The following TAOK3 variants were observed in gnomAD, a reference collection of about 807,000 sequenced individuals.
TAOK3 encodes the protein TAO kinase 3, also known as serine/threonine-protein kinase TAO3.
In TAOK3, 40 loss-of-function variants were observed where a neutral mutation model predicts 120.4. The observed-to-expected ratio is 0.33, with a 90% CI of 0.26 to 0.43. TAOK3 has a LOEUF of 0.43. Among genes scored for constraint, TAOK3 ranks in the 20% least tolerant of loss-of-function variants. The pLI is 1.00. For missense variants in TAOK3, 821 were observed against 1,112.1 expected, an observed-to-expected ratio of 0.74 and a Z score of 3.72; for synonymous variants, 355 against 387.5, an observed-to-expected ratio of 0.92 and a Z score of 0.99.
chr12:118,173,398 G>T (rs2036127062), intron 16 of TAOK3, among the ~76,000 whole-genome samples: 1 of 152,174 alleles, frequency 6.6e-6, no homozygotes. Context: ...GTGTCATAAT[G>T]AGATGCATTT....
intron 3 of TAOK3, among the ~76,000 whole-genome samples, chr12:118,250,391 C>G (rs1331468157): frequency 6.6e-6 from 1 of 152,182 alleles, no homozygotes; most frequent in Non-Finnish European, 1.5e-5. Context: ...GCTGTTCCAG[C>G]TTACAATTCA....
At chr12:118,152,538 G>A in intron 19 of TAOK3, 129 bp from the exon 20 acceptor site, 1 of 822,576 alleles carries the variant, frequency 1.2e-6, no homozygotes, top group Non-Finnish European at 1.9e-6. Flanking sequence ...CAAAAACACA[G>A]ATGCTCTGGG....
rs535559383 is a variant in TAOK3, at chr12:118,188,623, A to G, written c.1329+1184T>C. 3.5e-4 allele frequency among the ~76,000 whole-genome samples: 54 copies of G among 152,342 alleles called. No homozygotes were observed. In the South Asian group the frequency reaches 0.011, roughly 30 times the overall value. On this transcript the variant is annotated intron_variant, in intron 14 of 20. Transcript: ENST00000392533. ...CCTTGCATTTGGGTTTTTAAAGGTT[A>G]TAATCCATTATAATTTTCAAAGATA...
At chr12:118,269,321 T>C (rs2041599705) in intron 1 of TAOK3, among the ~76,000 whole-genome samples, 1 of 151,320 alleles carries the variant, frequency 6.6e-6, no homozygotes, top group South Asian at 2.1e-4. Context: ...GCCACCATGC[T>C]GGGCTAATTA....
At chr12:118,362,220 G>A (rs1423291772) in intron 1 of TAOK3, among the ~76,000 whole-genome samples, 2 of 150,966 alleles carry the variant, frequency 1.3e-5, no homozygotes, top group Admixed American at 6.6e-5. Context: ...AAATTTAGGG[G>A]TGTCCAATCT....
intron 1 of TAOK3, among the ~76,000 whole-genome samples, chr12:118,289,296 CAA>C (rs59297201): frequency 2.5e-5 from 2 of 78,678 alleles, no homozygotes; most frequent in African/African-American, 4.9e-5. Context: ...AAGACTGTCT[CAA>C]AAAAAAAAAA....
At chr12:118,210,971 T>C (rs1231930418) in intron 11 of TAOK3, among the ~76,000 whole-genome samples, 1 of 152,126 alleles carries the variant, frequency 6.6e-6, no homozygotes, top group Non-Finnish European at 1.5e-5. Context: ...ACTGGTGACC[T>C]CCTGATCCTC....
intron 10 of TAOK3, among the ~76,000 whole-genome samples, chr12:118,213,310 GACA>G: frequency 6.6e-6 from 1 of 152,012 alleles, no homozygotes; most frequent in Non-Finnish European, 1.5e-5. Context: ...TCTCTCCAAA[GACA>G]ACAATTCTCA....
chr12:118,194,467 C>T (rs2037601278), intron 13 of TAOK3, among the ~76,000 whole-genome samples: 1 of 152,004 alleles, frequency 6.6e-6, no homozygotes, highest in Non-Finnish European at 1.5e-5. Flanking sequence ...AGAAACATTA[C>T]CTTCATATGT....
intron 1 of TAOK3, among the ~76,000 whole-genome samples, chr12:118,356,721 T>C (rs990511379): frequency 2.6e-5 from 4 of 151,818 alleles, no homozygotes; most frequent in Non-Finnish European, 5.9e-5. Flanking sequence ...GAGACCAACC[T>C]AGGCAACACA....
At chr12:118,361,061 C>T (rs913047162) in intron 1 of TAOK3, among the ~76,000 whole-genome samples, 1 of 152,166 alleles carries the variant, frequency 6.6e-6, no homozygotes, top group Non-Finnish European at 1.5e-5. Context: ...AAACTGATAA[C>T]AACCCTAAAT....
chr12:118,245,227 G>T (rs1302663892), intron 3 of TAOK3, among the ~76,000 whole-genome samples: 2 of 151,926 alleles, frequency 1.3e-5, no homozygotes, highest in Non-Finnish European at 2.9e-5. Context: ...GTAGAAATGG[G>T]GTTCCACCAT....
chr12:118,151,289 G>GCGCGCACA (rs1214641528), intron 20 of TAOK3, 131 bp from the exon 21 acceptor site: 22 of 253,068 alleles, frequency 8.7e-5, no homozygotes, highest in African/African-American at 6.4e-4. Flanking sequence ...GCGCGCGCGC[G>GCGCGCACA]CACACACACA....
Position 118,282,482 on chromosome 12 carries a change from T to C in TAOK3, c.-193-15723A>G, listed in dbSNP as rs536748412. Among the ~76,000 whole-genome samples the C allele has an allele frequency of 2.0e-5, 3 of 152,346 alleles. No homozygotes were observed. The South Asian group carries it at 6.2e-4, about 32-fold the overall frequency. On this transcript the variant is annotated intron_variant, in intron 1 of 20. Coordinates refer to ENST00000392533, the MANE Select transcript of TAOK3 (RefSeq NM_016281.4). Reference sequence around the variant, plus strand: ...GTTGTGGGAGTTCATTGAAATGTATTGATGAGGCTGTTCCACTGTAAGTAC... The same window carrying C: ...GTTGTGGGAGTTCATTGAAATGTATCGATGAGGCTGTTCCACTGTAAGTAC...
intron 17 of TAOK3, among the ~76,000 whole-genome samples, chr12:118,170,332 A>G (rs1024142041): frequency 3.9e-5 from 6 of 152,112 alleles, no homozygotes; most frequent in Non-Finnish European, 8.8e-5. Context: ...CCGCACCCCA[A>G]CAGGAACCCA....
chr12:118,346,774 T>C (rs1021419816), intron 1 of TAOK3, among the ~76,000 whole-genome samples: 2 of 152,222 alleles, frequency 1.3e-5, no homozygotes, highest in Non-Finnish European at 2.9e-5. Context: ...ATGGAAAGTT[T>C]AATCTTTCTA....
chr12:118,278,892 C>T (rs1253761678), intron 1 of TAOK3, among the ~76,000 whole-genome samples: 8 of 152,040 alleles, frequency 5.3e-5, no homozygotes, highest in African/African-American at 1.7e-4. Flanking sequence ...CCACAACCTC[C>T]GCCTCCCGGG....
intron 17 of TAOK3, among the ~76,000 whole-genome samples, chr12:118,169,898 T>A (rs2035890759): frequency 1.3e-5 from 2 of 151,954 alleles, no homozygotes; most frequent in South Asian, 4.1e-4. Flanking sequence ...TTTTTTTGAA[T>A]TTTTAGTAGA....
At chr12:118,360,465 G>A (rs2045557241) in intron 1 of TAOK3, among the ~76,000 whole-genome samples, 1 of 151,536 alleles carries the variant, frequency 6.6e-6, no homozygotes, top group Non-Finnish European at 1.5e-5. Context: ...CTACTCGGGA[G>A]GCTGAGGCAG....
Sources: gnomAD v4.1 joint callset for allele counts (sites outside exome capture counted in the v4.1 genomes callset) on GRCh38, gnomAD v4.1.1 for gene constraint, MANE v1.5 for transcripts, NCBI Gene and HGNC (gene_info 2026-07-23, HGNC 2026-07-21) for gene names.